MED27: variants seen among roughly 807,000 people sequenced by gnomAD.
MED27 encodes mediator of RNA polymerase II transcription subunit 27.
A neutral mutation model predicts 38.2 loss-of-function variants in MED27; 30 were observed. The observed-to-expected ratio is 0.79, with a 90% CI of 0.59 to 1.07. The LOEUF (loss-of-function observed/expected upper bound fraction) is 1.07. Ranked by LOEUF, MED27 falls within the 50% of genes least tolerant of loss-of-function variation. MED27 has a pLI of 0.00. For synonymous variants in MED27, 122 were observed against 153.5 expected, an observed-to-expected ratio of 0.79 and a Z score of 1.52; for missense variants, 289 against 397.5, an observed-to-expected ratio of 0.73 and a Z score of 2.32.
At chr9:131,887,722 T>A (rs570349589) in intron 5 of MED27, among the ~76,000 whole-genome samples, 6 of 152,170 alleles carry the variant, frequency 3.9e-5, no homozygotes, top group South Asian at 2.1e-4. Context: ...TTCAACCTGA[T>A]GAACAAGAAA....
In MED27 at chr9:131,863,147, G is replaced by A. The variant is rs1218249713; in HGVS notation, c.724-7C>T. 13 of 1,613,916 alleles carry A rather than the reference G, an allele frequency of 8.1e-6. No homozygotes were observed. Among genetic ancestry groups the A allele is most frequent in the Non-Finnish European group, 1.1e-5 (13 of 1,179,830 alleles). On this transcript the variant is annotated splice_region_variant and splice_polypyrimidine_tract_variant and intron_variant, in intron 6 of 7. Transcript: ENST00000292035. ...TGGTGGCATGGTCTGTCACCTGAGA[G>A]TGAAGGACAAAGACGAGTTAGCGGC...
chr9:132,031,020 A>G (rs1832948136), intron 2 of MED27, among the ~76,000 whole-genome samples: 1 of 152,264 alleles, frequency 6.6e-6, no homozygotes, highest in Non-Finnish European at 1.5e-5. Flanking sequence ...CGATTTTTAA[A>G]AAGCAAGCTG....
chr9:131,924,468 A>G (rs913798831), intron 4 of MED27, among the ~76,000 whole-genome samples: 2 of 152,120 alleles, frequency 1.3e-5, no homozygotes, highest in Non-Finnish European at 2.9e-5. Flanking sequence ...AAATAATTTT[A>G]GGGATATTAG....
At chr9:131,912,845 G>C (rs1184570738) in intron 4 of MED27, among the ~76,000 whole-genome samples, 3 of 152,162 alleles carry the variant, frequency 2.0e-5, no homozygotes, top group African/African-American at 7.2e-5. Context: ...ATGTTAGCGA[G>C]CAGATGTCTA....
intron 2 of MED27, among the ~76,000 whole-genome samples, chr9:132,060,923 T>A (rs1265912329): frequency 6.6e-6 from 1 of 152,186 alleles, no homozygotes; most frequent in Non-Finnish European, 1.5e-5. Context: ...CACTCCAGCC[T>A]GGGTGACAGA....
chr9:131,881,244 C>A (rs566943142), intron 6 of MED27, among the ~76,000 whole-genome samples: 2 of 152,162 alleles, frequency 1.3e-5, no homozygotes, highest in East Asian at 3.8e-4. Context: ...ACAGTCAGCA[C>A]GGAAAACGTT....
chr9:131,972,024 CA>C (rs954495826), intron 3 of MED27, among the ~76,000 whole-genome samples: 1 of 151,466 alleles, frequency 6.6e-6, no homozygotes, highest in African/African-American at 2.4e-5. Context: ...TACTCTCTCT[CA>C]AAAAAAAATC....
chr9:131,973,991 G>A (rs1483115942), intron 3 of MED27, among the ~76,000 whole-genome samples: 5 of 151,996 alleles, frequency 3.3e-5, no homozygotes, highest in African/African-American at 1.2e-4. Flanking sequence ...GGGATTACAG[G>A]CGTGAGCCAC....
Position 132,079,648 on chromosome 9 carries a change from T to C in MED27, c.197A>G (p.Asp66Gly). Reference protein sequence around the residue: ...FQDNLHSVNRDLNELERLSNL... With the variant: ...FQDNLHSVNRGLNELERLSNL... ...CCCTTCAGCCGGTACCTACTTGAGG[T>C]CCCGGTTGACCGAATGTAAGTTGTC... Residue 66 changes from aspartate to glycine, a missense_variant, in exon 1 of 8, where the codon GAC (aspartate) becomes GGC (glycine). By Grantham distance (94) the Asp-to-Gly change is moderately conservative. Transcript: ENST00000292035. The C allele has an allele frequency of 6.2e-7, 1 of 1,612,232 alleles. No individual in the cohort carries two copies. The highest frequency in any genetic ancestry group is 1.1e-5 in the South Asian group (1 of 90,994).
At chr9:132,001,078 C>T (rs188671978) in intron 3 of MED27, among the ~76,000 whole-genome samples, 155 of 151,126 alleles carry the variant, frequency 1.0e-3, no homozygotes, top group African/African-American at 3.4e-3. Flanking sequence ...CCAGCCTGGG[C>T]GACAAAGCAA....
At chr9:131,869,557 G>A (rs550510488) in intron 6 of MED27, among the ~76,000 whole-genome samples, 8 of 152,326 alleles carry the variant, frequency 5.3e-5, no homozygotes, top group East Asian at 1.9e-4. Flanking sequence ...AGGAGAGGGA[G>A]GCGATTCACC....
intron 6 of MED27, among the ~76,000 whole-genome samples, 177 bp from the exon 7 acceptor site, chr9:131,863,317 G>A (rs1305069928): frequency 6.6e-6 from 1 of 152,214 alleles, no homozygotes; most frequent in East Asian, 1.9e-4. Context: ...ACCCAGAGGG[G>A]GAGAAGAGGC....
At chr9:132,009,880 T>C (rs1163669588) in intron 3 of MED27, among the ~76,000 whole-genome samples, 2 of 152,226 alleles carry the variant, frequency 1.3e-5, no homozygotes, top group South Asian at 4.1e-4. Context: ...AGTTTATAGT[T>C]ATGTTGTGCT....
intron 3 of MED27, among the ~76,000 whole-genome samples, chr9:131,964,007 T>C (rs1030414108): frequency 6.6e-6 from 1 of 152,062 alleles, no homozygotes; most frequent in Non-Finnish European, 1.5e-5. Context: ...TGCCCTTCTA[T>C]GATGTTGACT....
intron 2 of MED27, among the ~76,000 whole-genome samples, chr9:132,072,070 C>T (rs1833952621): frequency 6.6e-6 from 1 of 152,196 alleles, no homozygotes; most frequent in Non-Finnish European, 1.5e-5. Flanking sequence ...GTAACACACA[C>T]CCCATAAATA....
chr9:131,959,825 AATTCCAAGTACC>A (rs1162820785), intron 3 of MED27, among the ~76,000 whole-genome samples: 1 of 152,208 alleles, frequency 6.6e-6, no homozygotes, highest in Non-Finnish European at 1.5e-5. Flanking sequence ...ACAGCAGAAC[AATTCCAAGTACC>A]ATTCTGGCAT....
At chr9:131,904,211 G>A (rs576402300) in intron 4 of MED27, among the ~76,000 whole-genome samples, 3 of 151,562 alleles carry the variant, frequency 2.0e-5, no homozygotes, top group Admixed American at 2.0e-4. Context: ...GCTATTTTTT[G>A]TATTTTTTGT....
intron 3 of MED27, among the ~76,000 whole-genome samples, chr9:131,960,810 T>C (rs7032759): frequency 0.34 from 52,049 of 152,016 alleles, 9,324 homozygotes; most frequent in African/African-American, 0.44. Context: ...ATGACACAGC[T>C]ACTCCTAAAA....
At chr9:132,001,515 C>G (rs763009815) in intron 3 of MED27, among the ~76,000 whole-genome samples, 41 of 152,086 alleles carry the variant, frequency 2.7e-4, no homozygotes, top group Admixed American at 9.8e-4. Context: ...GATCAAACCA[C>G]TATTATAAAA....
Sources: gnomAD v4.1 joint callset for allele counts (sites outside exome capture counted in the v4.1 genomes callset) on GRCh38, gnomAD v4.1.1 for gene constraint, MANE v1.5 for transcripts, NCBI Gene and HGNC (gene_info 2026-07-23, HGNC 2026-07-21) for gene names.